The following FANCC variants were observed in gnomAD, a reference collection of about 807,000 sequenced individuals.
The protein encoded by FANCC is FA complementation group C.
A neutral mutation model predicts 71.3 loss-of-function variants in FANCC; 55 were observed. That is an observed-to-expected ratio of 0.77 (90% CI 0.62 to 0.97). The LOEUF (loss-of-function observed/expected upper bound fraction) is 0.97. Ranked by LOEUF, FANCC falls within the 50% of genes least tolerant of loss-of-function variation. The pLI, the probability that FANCC is intolerant of heterozygous loss-of-function variation, is 0.00. For missense variants in FANCC, 678 were observed against 670.9 expected (o/e 1.01, Z -0.12); for synonymous variants, 275 against 244.9 (o/e 1.12, Z -1.15).
chr9:95,301,573 A>G (rs1834735491), intron 1 of FANCC, among the ~76,000 whole-genome samples: 1 of 151,880 alleles, frequency 6.6e-6, no homozygotes, highest in Non-Finnish European at 1.5e-5. Flanking sequence ...GACCACAGGC[A>G]TGCACCACCA....
At chr9:95,102,264 G>A (rs1040513034) in intron 14 of FANCC, among the ~76,000 whole-genome samples, 46 of 152,182 alleles carry the variant, frequency 3.0e-4, no homozygotes, top group African/African-American at 1.0e-3. Context: ...CATGAGAATT[G>A]GAAAATACCA....
chr9:95,152,280 G>A (rs982450093), intron 6 of FANCC, among the ~76,000 whole-genome samples: 3 of 152,234 alleles, frequency 2.0e-5, no homozygotes, highest in African/African-American at 7.2e-5. Flanking sequence ...TCATCAGGGA[G>A]AGGAACAATA....
chr9:95,114,320 T>A (rs1182076056), intron 12 of FANCC: 1 of 391,154 alleles, frequency 2.6e-6, no homozygotes, highest in African/African-American at 2.1e-5. Context: ...TGCTGCTTTT[T>A]CCAAGGCCTC....
chr9:95,117,025 T>C (rs943778204), intron 11 of FANCC, among the ~76,000 whole-genome samples: 2 of 152,242 alleles, frequency 1.3e-5, no homozygotes, highest in Non-Finnish European at 2.9e-5. Flanking sequence ...GTGGATCTGG[T>C]TGGCACCAGA....
intron 8 of FANCC, among the ~76,000 whole-genome samples, chr9:95,134,455 G>T (rs1449702525): frequency 6.6e-6 from 1 of 152,152 alleles, no homozygotes; most frequent in Non-Finnish European, 1.5e-5. Flanking sequence ...ACCGTTCACT[G>T]TGGCTCTTGG....
At chr9:95,115,871 T>C (rs2072362334) in intron 11 of FANCC, among the ~76,000 whole-genome samples, 1 of 152,222 alleles carries the variant, frequency 6.6e-6, no homozygotes, top group Non-Finnish European at 1.5e-5. Flanking sequence ...GGCTCGTAAG[T>C]GATCCTCTTT....
intron 6 of FANCC, among the ~76,000 whole-genome samples, chr9:95,169,284 A>G: frequency 6.6e-6 from 1 of 152,220 alleles, no homozygotes; most frequent in East Asian, 1.9e-4. Flanking sequence ...TACAGCCATC[A>G]TATATGATAA....
intron 6 of FANCC, among the ~76,000 whole-genome samples, chr9:95,159,080 C>T (rs1275937311): frequency 1.3e-5 from 2 of 151,836 alleles, no homozygotes; most frequent in African/African-American, 4.8e-5. Context: ...ACATGCACAA[C>T]GTGCAGGTTT....
At chr9:95,286,506 C>G (rs4647395) in intron 1 of FANCC, among the ~76,000 whole-genome samples, 25,134 of 152,238 alleles carry the variant, frequency 0.17, 2,749 homozygotes, top group East Asian at 0.35. Context: ...ACCTACTATG[C>G]AGCAGGCACT....
At chr9:95,197,458 G>C (rs1827527701) in intron 4 of FANCC, among the ~76,000 whole-genome samples, 1 of 152,178 alleles carries the variant, frequency 6.6e-6, no homozygotes, top group East Asian at 1.9e-4. Context: ...AGGACTGCTT[G>C]GGTCTGGGAG....
chr9:95,146,834 C>G (rs1829636588), intron 7 of FANCC, among the ~76,000 whole-genome samples: 1 of 151,978 alleles, frequency 6.6e-6, no homozygotes, highest in Non-Finnish European at 1.5e-5. Flanking sequence ...GAGGGAAGAA[C>G]TGAGATGCGT....
At chr9:95,291,967 AAT>A (rs34066396) in intron 1 of FANCC, among the ~76,000 whole-genome samples, 662 of 50,406 alleles carry the variant, frequency 0.013, 12 homozygotes, top group Middle Eastern at 0.078. Flanking sequence ...AAAAAAAAAA[AAT>A]ATATATATAT....
At chr9:95,309,954 G>T (rs1351064487) in intron 1 of FANCC, among the ~76,000 whole-genome samples, 1 of 152,168 alleles carries the variant, frequency 6.6e-6, no homozygotes, top group Admixed American at 6.5e-5. Context: ...AAATCTATTG[G>T]CTAGAACAAT....
chr9:95,221,696 AT>A (rs1274186846), intron 4 of FANCC, among the ~76,000 whole-genome samples: 1 of 152,218 alleles, frequency 6.6e-6, no homozygotes, highest in Non-Finnish European at 1.5e-5. Flanking sequence ...GAAGATAAAT[AT>A]TTTTTAATGG....
chr9:95,148,239 G>A (rs528639081), intron 7 of FANCC, among the ~76,000 whole-genome samples: 29 of 152,332 alleles, frequency 1.9e-4, no homozygotes, highest in Non-Finnish European at 3.7e-4. Context: ...AAAGGAAAGT[G>A]TGCATAAAGC....
intron 3 of FANCC, among the ~76,000 whole-genome samples, chr9:95,246,431 G>T (rs1830983362): frequency 1.3e-5 from 2 of 152,226 alleles, no homozygotes; most frequent in South Asian, 2.1e-4. Context: ...AACATCAAAG[G>T]GGAATATTCA....
chr9:95,208,467 G>A (rs1828288456), intron 4 of FANCC, among the ~76,000 whole-genome samples: 1 of 151,860 alleles, frequency 6.6e-6, no homozygotes, highest in Admixed American at 6.6e-5. Context: ...ATACTATCAA[G>A]AGAATTAAAA....
At chr9:95,116,628 C>T (rs1359451694) in intron 11 of FANCC, among the ~76,000 whole-genome samples, 2 of 152,220 alleles carry the variant, frequency 1.3e-5, no homozygotes, top group Non-Finnish European at 2.9e-5. Flanking sequence ...CATGTCAGGA[C>T]TGCCTTCCAT....
At chr9:95,239,933 A>G (rs1247568085) in intron 4 of FANCC, among the ~76,000 whole-genome samples, 1 of 152,238 alleles carries the variant, frequency 6.6e-6, no homozygotes, top group South Asian at 2.1e-4. Context: ...GACAGGCATC[A>G]GCCAGTCCTG....
Sources: gnomAD v4.1 joint callset for allele counts (sites outside exome capture counted in the v4.1 genomes callset) on GRCh38, gnomAD v4.1.1 for gene constraint, MANE v1.5 for transcripts, NCBI Gene and HGNC (gene_info 2026-07-23, HGNC 2026-07-21) for gene names.